Variants in VPS35 observed in about 807,000 individuals in gnomAD.
VPS35 encodes the protein vacuolar protein sorting-associated protein 35.
A neutral mutation model predicts 98.1 loss-of-function variants in VPS35; 21 were observed. That is an observed-to-expected ratio of 0.21 (90% CI 0.15 to 0.31). The LOEUF (loss-of-function observed/expected upper bound fraction) is 0.31, where lower values mean the gene tolerates loss of function less well. Among genes scored for constraint, VPS35 ranks in the 10% least tolerant of loss-of-function variants. The pLI, the probability that VPS35 is intolerant of heterozygous loss-of-function variation, is 1.00. For synonymous variants in VPS35, 268 were observed against 318.2 expected (o/e 0.84, Z 1.68); for missense variants, 554 against 950.8 (o/e 0.58, Z 5.49).
chr16:46,658,148 T>C lies in VPS35; in HGVS notation c.*2324A>G, dbSNP rs886095323. ...CTTCAGCCCATGGGTCTGAGGAGCC[T>C]GGGACTGCAGGCCAAAGCACTGGCC... is the stretch of plus-strand genomic sequence containing the variant. On this transcript the variant is annotated 3_prime_UTR_variant, in exon 17 of 17. Coordinates refer to ENST00000299138, the MANE Select transcript of VPS35 (RefSeq NM_018206.6). The C allele has an allele frequency of 3.3e-5, 5 of 152,696 alleles. No homozygotes were observed. Among genetic ancestry groups the C allele is most frequent in the African/African-American group, 1.2e-4 (5 of 41,466 alleles). 9.5% of individuals were successfully genotyped at this position (152,696 alleles called of 1,614,324 possible).
At position 46,680,757 on chromosome 16, in the gene VPS35, C is replaced by G. The variant is rs1489625412; in HGVS notation, c.420G>C (p.Val140=). ...LKDLVEMCRG[V]QHPLRGLFLR... is the part of the protein sequence containing the mutation. ...GAAACAGACCCCTCAAGGGATGTTG[C>G]ACACCACGGCACATTTCTACCAAAT... is the stretch of plus-strand genomic sequence containing the variant. The change falls in exon 5 of 17, where the codon GTG becomes GTC. Residue 140 remains valine (V), a synonymous_variant. Coordinates refer to ENST00000299138, the MANE Select transcript of VPS35 (RefSeq NM_018206.6). The G allele has an allele frequency of 6.2e-7, 1 of 1,614,042 alleles. No individual in the cohort carries two copies. Among genetic ancestry groups the G allele is most frequent in the South Asian group, 1.1e-5 (1 of 91,080 alleles).
At chr16:46,671,599 CTTCA>C (rs1966069517) in intron 12 of VPS35, 102 bp downstream of exon 12, 3 of 1,502,242 alleles carry the variant, frequency 2.0e-6, no homozygotes, top group Non-Finnish European at 2.7e-6. Context: ...GTTGCAATTC[CTTCA>C]AAACCATCTA....
At position 46,659,612 on chromosome 16, in the gene VPS35, T is replaced by C. The variant is rs780263080; in HGVS notation, c.*860A>G. The C allele has an allele frequency of 2.0e-5, 3 of 152,024 alleles. No individual in the cohort carries two copies. The highest frequency in any genetic ancestry group is 2.9e-5 in the Non-Finnish European group (2 of 68,018). The allele number at this position is 152,024 out of a possible 1,614,324, so 9.4% of individuals were successfully genotyped here. ...ATATGAGAATGACTATTAAACTCTA[T>C]AGCCATACTACTAGTACTTTTTATC... On this transcript the variant is annotated 3_prime_UTR_variant, in exon 17 of 17. Transcript: ENST00000299138.
At chr16:46,664,646 C>T (rs182864223) in intron 13 of VPS35, among the ~76,000 whole-genome samples, 5 of 151,870 alleles carry the variant, frequency 3.3e-5, no homozygotes, top group African/African-American at 1.2e-4. Flanking sequence ...CTCAGCCTAC[C>T]GAATAGCTGG....
chr16:46,669,085 C>T (rs754548036), intron 12 of VPS35, 33 bp from the exon 13 acceptor site: 26 of 1,613,492 alleles, frequency 1.6e-5, no homozygotes, highest in Non-Finnish European at 2.2e-5. Flanking sequence ...AAAAAAATTT[C>T]CAAACTCTGA....
At chr16:46,663,435 G>A (rs1965942276) in intron 13 of VPS35, among the ~76,000 whole-genome samples, 1 of 152,142 alleles carries the variant, frequency 6.6e-6, no homozygotes, top group African/African-American at 2.4e-5. Flanking sequence ...AGGCTGGAGT[G>A]CAGTGGCACA....
chr16:46,676,696 A>T lies in VPS35; in HGVS notation c.805-4T>A, dbSNP rs1414478031. 10 of 1,582,680 alleles carry T rather than the reference A, an allele frequency of 6.3e-6. No individual in the cohort carries two copies. Among genetic ancestry groups the T allele is most frequent in the Non-Finnish European group, 8.7e-6 (10 of 1,151,644 alleles). ...GGTGAAATTCATCAGGGAAAACCTG[A>T]AAATCAAATGATCAATACAAATAAA... On this transcript the variant is annotated splice_region_variant and splice_polypyrimidine_tract_variant and intron_variant, in intron 7 of 16. Transcript: ENST00000299138.
In VPS35 at chr16:46,660,508, T is replaced by G. The variant is rs931014095; in HGVS notation, c.2355A>C (p.Glu785Asp). ...EHLRLRRESPESEGPIYEGLI... is the reference protein window; with the variant it reads ...EHLRLRRESPDSEGPIYEGLI... ...GACCTTCATAAATTGGCCCCTCGGA[T>G]TCTGGTGATTCCCGCCGCAAGCGCA... The change falls in exon 17 of 17, where the codon GAA (glutamate) becomes GAC (aspartate). Residue 785 changes from glutamate (E) to aspartate (D), a missense_variant. Glu to Asp is a conservative substitution (Grantham distance 45). Around this residue, in one of 5 missense-constraint regions of VPS35, gnomAD observed 153 missense variants for 211.0 expected, o/e 0.73. Transcript: ENST00000299138. 8.7e-6 allele frequency: 14 copies of G among 1,614,036 alleles called. No individual in the cohort carries two copies. The Admixed American group carries it at 1.3e-4, about 15-fold the overall frequency.
In VPS35 at chr16:46,674,812, A is replaced by C. The variant is rs569267771; in HGVS notation, c.915-152T>G. ...TTGTTTTGTTTTGTTTTGTTTTGAGACAGAGTCTCGCTCTGTCGCCCAGGC... is the reference window on the plus strand; with the variant it reads ...TTGTTTTGTTTTGTTTTGTTTTGAGCCAGAGTCTCGCTCTGTCGCCCAGGC... On this transcript the variant is annotated intron_variant, in intron 8 of 16. Coordinates refer to ENST00000299138, the MANE Select transcript of VPS35 (RefSeq NM_018206.6). 4.1e-5 allele frequency: 33 copies of C among 804,104 alleles called. No individual in the cohort carries two copies. The African/African-American group carries it at 5.1e-4, about 12-fold the overall frequency. The allele number at this position is 804,104 out of a possible 1,614,324, so 49.8% of individuals were successfully genotyped here. A position where few individuals can be genotyped will look rare whatever the true frequency, so the allele number is the denominator to read the frequency against.
At chr16:46,686,477 T>G (rs577250654) in intron 1 of VPS35, among the ~76,000 whole-genome samples, 9 of 152,280 alleles carry the variant, frequency 5.9e-5, no homozygotes, top group Non-Finnish European at 1.3e-4. Flanking sequence ...TTGTCTCAAC[T>G]CAGCTTAAAA....
rs1189461957 is a variant in VPS35, at chr16:46,679,246, T to C, written c.507-90A>G. 3.5e-6 allele frequency: 4 copies of C among 1,148,670 alleles called. No homozygotes were observed. In the African/African-American group the frequency reaches 4.6e-5, roughly 13 times the overall value. The allele number at this position is 1,148,670 out of a possible 1,614,324, so 71.2% of individuals were successfully genotyped here. ...TTTGTGTATTTCCTACTTATCTCTATAGTACACCAATGCTTTATAAAAAAT... is the reference window on the plus strand; with the variant it reads ...TTTGTGTATTTCCTACTTATCTCTACAGTACACCAATGCTTTATAAAAAAT... On this transcript the variant is annotated intron_variant, in intron 5 of 16. Transcript: ENST00000299138.
At chr16:46,683,478 C>T (rs755917312) in intron 2 of VPS35, 30 bp downstream of exon 2, 3 of 1,599,306 alleles carry the variant, frequency 1.9e-6, no homozygotes, top group African/African-American at 2.7e-5. Flanking sequence ...ACACGAACTG[C>T]AACTGTGCCT....
chr16:46,668,273 T>C (rs1481215588), intron 13 of VPS35, among the ~76,000 whole-genome samples: 1 of 152,154 alleles, frequency 6.6e-6, no homozygotes. Flanking sequence ...TGCACACCTG[T>C]AATCCCAGCT....
At chr16:46,680,267 T>C (rs1360191296) in intron 5 of VPS35, among the ~76,000 whole-genome samples, 2 of 152,224 alleles carry the variant, frequency 1.3e-5, no homozygotes, top group Non-Finnish European at 2.9e-5. Context: ...CCAAGGTAAC[T>C]AGCAGTCTAT....
intron 12 of VPS35, among the ~76,000 whole-genome samples, chr16:46,671,166 A>G (rs1239240045): frequency 1.3e-5 from 2 of 152,308 alleles, no homozygotes; most frequent in East Asian, 3.9e-4. Flanking sequence ...TGAATTTTTA[A>G]ATCTTTCATC....
At chr16:46,666,331 C>T (rs978325345) in intron 13 of VPS35, among the ~76,000 whole-genome samples, 3 of 150,792 alleles carry the variant, frequency 2.0e-5, no homozygotes, top group Admixed American at 1.3e-4. Flanking sequence ...TGCAATGGCA[C>T]GATCTCGGCT....
intron 13 of VPS35, among the ~76,000 whole-genome samples, chr16:46,665,588 C>T (rs183672): frequency 0.78 from 114,997 of 146,586 alleles, 45,939 homozygotes; most frequent in East Asian, 1. Flanking sequence ...AAGACCTTGA[C>T]TCAAAAAAAA....
Position 46,674,467 on chromosome 16 carries a change from A to T in VPS35, c.1012-5T>A. 1 of 1,611,414 alleles carries T rather than the reference A, an allele frequency of 6.2e-7. No homozygotes were observed. Among genetic ancestry groups the T allele is most frequent in the South Asian group, 1.1e-5 (1 of 90,760 alleles). ...TGAAGGCATGTCTTGTCTAGACTGG[A>T]ATGTTTAGAAAACCACACAATTTAT... On this transcript the variant is annotated splice_region_variant and splice_polypyrimidine_tract_variant and intron_variant, in intron 9 of 16. Transcript: ENST00000299138.
chr16:46,668,611 T>C (rs1016801176), intron 13 of VPS35, among the ~76,000 whole-genome samples: 1 of 152,184 alleles, frequency 6.6e-6, no homozygotes, highest in Non-Finnish European at 1.5e-5. Flanking sequence ...ACGACTGCAA[T>C]GCTAGGCCCT....
Sources: allele counts gnomAD v4.1 joint callset (sites outside exome capture counted in the v4.1 genomes callset), GRCh38; gene constraint gnomAD v4.1.1; regional missense constraint gnomAD v4.1.1; transcripts MANE v1.5; gene names NCBI Gene and HGNC (gene_info 2026-07-23, HGNC 2026-07-21).